FAM210A: variants seen among roughly 807,000 people sequenced by gnomAD.
FAM210A encodes the protein mitochondrial inner membrane scaffold 1.
A neutral mutation model predicts 25.3 loss-of-function variants in FAM210A; 13 were observed. The observed-to-expected ratio is 0.51, with a 90% CI of 0.33 to 0.82. The LOEUF (loss-of-function observed/expected upper bound fraction) is 0.82, where lower values mean the gene tolerates loss of function less well. Ranked by LOEUF, FAM210A falls within the 40% of genes least tolerant of loss-of-function variation. The probability of loss-of-function intolerance (pLI) is 0.02; values close to 1 mark genes in which losing one functional copy is unlikely to be tolerated. For synonymous variants in FAM210A, 125 were observed against 118.7 expected, an observed-to-expected ratio of 1.05 and a Z score of -0.35; for missense variants, 319 against 323.2, an observed-to-expected ratio of 0.99 and a Z score of 0.10.
chr18:13,691,945 A>G (rs12962031), intron 1 of FAM210A, among the ~76,000 whole-genome samples: 50,584 of 57,440 alleles, frequency 0.88, 22,922 homozygotes, highest in East Asian at 0.96. Context: ...CCAGTTAAAA[A>G]ACACAGACTG....
At chr18:13,695,222 T>G (rs186875266) in intron 1 of FAM210A, among the ~76,000 whole-genome samples, 1 of 152,278 alleles carries the variant, frequency 6.6e-6, no homozygotes. Flanking sequence ...CAACAGATGC[T>G]GGAGAGGATG....
At chr18:13,694,984 T>TA (rs1160510596) in intron 1 of FAM210A, among the ~76,000 whole-genome samples, 2 of 152,218 alleles carry the variant, frequency 1.3e-5, no homozygotes, top group African/African-American at 4.8e-5. Context: ...AAAGGGCTAA[T>TA]ATCCAGATTC....
chr18:13,679,964 T>C (rs2043537681), intron 2 of FAM210A, among the ~76,000 whole-genome samples: 1 of 152,232 alleles, frequency 6.6e-6, no homozygotes. Context: ...AAAAATATTA[T>C]TCTTAATAGC....
chr18:13,691,223 A>G (rs577727814), intron 1 of FAM210A, among the ~76,000 whole-genome samples: 1 of 152,344 alleles, frequency 6.6e-6, no homozygotes, highest in South Asian at 2.1e-4. Flanking sequence ...ATACAAAGAC[A>G]TGAAGAAATC....
chr18:13,705,791 C>T (rs956130609), intron 1 of FAM210A, among the ~76,000 whole-genome samples: 1 of 152,106 alleles, frequency 6.6e-6, no homozygotes, highest in African/African-American at 2.4e-5. Context: ...AATTTCATAA[C>T]CAATGTTTAG....
intron 1 of FAM210A, chr18:13,710,333 G>A (rs371331554): frequency 5.9e-5 from 9 of 152,238 alleles, no homozygotes; most frequent in African/African-American, 2.2e-4. Flanking sequence ...ACAGATGTGT[G>A]CCATCGTGCC....
chr18:13,709,432 A>C (rs917823062), intron 1 of FAM210A, among the ~76,000 whole-genome samples: 6 of 152,190 alleles, frequency 3.9e-5, no homozygotes, highest in Non-Finnish European at 7.3e-5. Flanking sequence ...GGAACAAGTC[A>C]TTCTCCAGAT....
chr18:13,663,702 G>C lies in FAM210A; in HGVS notation c.*2778C>G, dbSNP rs1397878777. On this transcript the variant is annotated 3_prime_UTR_variant, in exon 4 of 4. Coordinates refer to ENST00000651643, the MANE Select transcript of FAM210A (RefSeq NM_152352.4). ...ATGGTGGTGTGCACCTGTAGTCCCA[G>C]CTACTCAGCAGGCTGAGGTGGGAGG... 1.3e-5 allele frequency: 2 copies of C among 152,256 alleles called. No homozygotes were observed. The highest frequency in any genetic ancestry group is 2.9e-5 in the Non-Finnish European group (2 of 68,114). 9.4% of individuals were successfully genotyped at this position (152,256 alleles called of 1,614,324 possible). A position where few individuals can be genotyped will look rare whatever the true frequency, so the allele number is the denominator to read the frequency against.
chr18:13,720,335 C>T (rs911368890), intron 1 of FAM210A, among the ~76,000 whole-genome samples: 6 of 152,134 alleles, frequency 3.9e-5, no homozygotes, highest in African/African-American at 1.2e-4. Flanking sequence ...GTTGTAGAGG[C>T]GCCTTTTGTT....
intron 2 of FAM210A, among the ~76,000 whole-genome samples, chr18:13,674,205 A>G: frequency 7.1e-6 from 1 of 141,194 alleles, no homozygotes. Flanking sequence ...CTGTTTCCTG[A>G]TTATTAACAT....
In FAM210A at chr18:13,725,367, G is replaced by T. The variant is rs558349962; in HGVS notation, c.-29+962C>A. On this transcript the variant is annotated intron_variant, in intron 1 of 3. Transcript: ENST00000651643. ...TTTGTGAAAAATAGGCCTCATTCTT[G>T]GTTCAAAGTTTGTAACCTCAAATGG... Among the ~76,000 whole-genome samples, 112 of 152,208 alleles carry T rather than the reference G, an allele frequency of 7.4e-4. 2 individuals carry two copies. The highest frequency in any genetic ancestry group is 9.4e-4 in the Non-Finnish European group (64 of 68,020).
chr18:13,705,348 C>T (rs549667348), intron 1 of FAM210A, among the ~76,000 whole-genome samples: 3 of 152,246 alleles, frequency 2.0e-5, no homozygotes, highest in Non-Finnish European at 4.4e-5. Context: ...AGGATAGCCA[C>T]CTTGTCCTTC....
intron 1 of FAM210A, among the ~76,000 whole-genome samples, chr18:13,694,321 C>T (rs2043674617): frequency 6.6e-6 from 1 of 152,064 alleles, no homozygotes; most frequent in Non-Finnish European, 1.5e-5. Flanking sequence ...AGATTCAATG[C>T]CATCAAGCTA....
Position 13,666,502 on chromosome 18 carries a change from G to A in FAM210A, c.797C>T (p.Ser266Phe). ...EKLQETKEKV[S>F]FKKKVE ...ACCTTATTCCACTTTTTTCTTAAAG[G>A]AAACTTTTTCTTTGGTTTCTTGTAA... Residue 266 changes from serine (S) to phenylalanine (F), a missense_variant, in exon 4 of 4, where the codon TCC becomes TTC. Coordinates refer to ENST00000651643, the MANE Select transcript of FAM210A (RefSeq NM_152352.4). 6.2e-7 allele frequency: 1 copy of A among 1,613,456 alleles called. No homozygotes were observed. Among genetic ancestry groups the A allele is most frequent in the Non-Finnish European group, 8.5e-7 (1 of 1,179,778 alleles).
At chr18:13,677,866 A>T (rs1157720797) in intron 2 of FAM210A, among the ~76,000 whole-genome samples, 1 of 152,140 alleles carries the variant, frequency 6.6e-6, no homozygotes, top group African/African-American at 2.4e-5. Context: ...TAATTAGGGA[A>T]AAGATGTCCT....
chr18:13,704,954 G>A (rs2043766730), intron 1 of FAM210A, among the ~76,000 whole-genome samples: 1 of 152,124 alleles, frequency 6.6e-6, no homozygotes, highest in Non-Finnish European at 1.5e-5. Context: ...AGAATATGGT[G>A]TCTTTTAGGA....
At chr18:13,703,177 G>A (rs974923113) in intron 1 of FAM210A, among the ~76,000 whole-genome samples, 1 of 152,114 alleles carries the variant, frequency 6.6e-6, no homozygotes, top group Admixed American at 6.6e-5. Flanking sequence ...TTTACTTTTG[G>A]GGGTATCAGC....
At chr18:13,695,907 A>G (rs2043689044) in intron 1 of FAM210A, among the ~76,000 whole-genome samples, 1 of 152,218 alleles carries the variant, frequency 6.6e-6, no homozygotes, top group Non-Finnish European at 1.5e-5. Flanking sequence ...CAGTGATTTT[A>G]TAAGATCAAA....
chr18:13,677,420 G>T (rs748920857), intron 2 of FAM210A, among the ~76,000 whole-genome samples: 6 of 152,154 alleles, frequency 3.9e-5, no homozygotes, highest in Admixed American at 6.5e-5. Context: ...CCGCGTGAGA[G>T]GGTCGTGATC....
Sources: gnomAD v4.1 joint callset for allele counts (sites outside exome capture counted in the v4.1 genomes callset) on GRCh38, gnomAD v4.1.1 for gene constraint, MANE v1.5 for transcripts, NCBI Gene and HGNC (gene_info 2026-07-23, HGNC 2026-07-21) for gene names.